Variants in DPP10 observed in about 807,000 individuals in gnomAD.
DPP10 encodes the protein dipeptidyl peptidase like 10, also known as inactive dipeptidyl peptidase 10.
A neutral mutation model predicts 120.9 loss-of-function variants in DPP10; 33 were observed. The ratio of observed to expected loss-of-function variants is 0.27; its 90% CI spans 0.21 to 0.37. DPP10 has a LOEUF of 0.37. DPP10 is among the 10% of genes least tolerant of loss of function. The probability of loss-of-function intolerance (pLI) is 1.00; values close to 1 mark genes in which losing one functional copy is unlikely to be tolerated. For synonymous variants in DPP10, 337 were observed against 326.1 expected (o/e 1.03, Z -0.36); for missense variants, 816 against 942.8 (o/e 0.87, Z 1.76).
intron 1 of DPP10, among the ~76,000 whole-genome samples, chr2:114,884,521 A>T (rs575044189): frequency 6.6e-6 from 1 of 152,010 alleles, no homozygotes; most frequent in African/African-American, 2.4e-5. Context: ...CATCACACCA[A>T]TCTGACTCTT....
At chr2:114,662,780 A>G (rs1354126670) in intron 1 of DPP10, among the ~76,000 whole-genome samples, 1 of 151,930 alleles carries the variant, frequency 6.6e-6, no homozygotes, top group Non-Finnish European at 1.5e-5. Context: ...CTGAAGTGCC[A>G]GGGGGGGACC....
chr2:114,784,567 G>A (rs1682609099), intron 1 of DPP10, among the ~76,000 whole-genome samples: 1 of 152,016 alleles, frequency 6.6e-6, no homozygotes, highest in Non-Finnish European at 1.5e-5. Context: ...ATCCAAACGG[G>A]CTAATCTCTA....
At chr2:115,707,502 T>G (rs941511000) in intron 7 of DPP10, among the ~76,000 whole-genome samples, 2 of 150,226 alleles carry the variant, frequency 1.3e-5, no homozygotes, top group East Asian at 3.9e-4. Context: ...ATATATCTAA[T>G]AAGTAATATA....
chr2:115,648,289 T>C (rs567210946), intron 5 of DPP10, among the ~76,000 whole-genome samples: 117 of 152,246 alleles, frequency 7.7e-4, no homozygotes, highest in Non-Finnish European at 1.5e-3. Context: ...ATTGGTGCGA[T>C]GTTGGTCAAA....
At chr2:115,402,712 A>C (rs2068161571) in intron 3 of DPP10, among the ~76,000 whole-genome samples, 1 of 151,202 alleles carries the variant, frequency 6.6e-6, no homozygotes, top group Non-Finnish European at 1.5e-5. Context: ...ATTCTACTAA[A>C]CATTTAAAGA....
chr2:115,801,926 A>G (rs1433407898), intron 19 of DPP10, among the ~76,000 whole-genome samples: 2 of 152,160 alleles, frequency 1.3e-5, no homozygotes, highest in Non-Finnish European at 2.9e-5. Context: ...CGGCTTTGGT[A>G]TCAGGATGAT....
chr2:115,722,568 CA>C (rs563218356), intron 7 of DPP10, among the ~76,000 whole-genome samples: 195 of 152,130 alleles, frequency 1.3e-3, no homozygotes, highest in African/African-American at 4.3e-3. Context: ...TCCTAAGCTA[CA>C]AACCTCTAAA....
Position 115,598,702 on chromosome 2 carries a change from G to A in DPP10, c.441+72730G>A, listed in dbSNP as rs926339296. Among the ~76,000 whole-genome samples, 10 of 151,460 alleles carry A rather than the reference G, an allele frequency of 6.6e-5. No homozygotes were observed. In the East Asian group the frequency reaches 1.2e-3, roughly 18 times the overall value. On this transcript the variant is annotated intron_variant, in intron 5 of 25. Coordinates refer to ENST00000410059, the MANE Select transcript of DPP10 (RefSeq NM_020868.6). ...TATTTTGAAGAAATTTTTAAAATAG[G>A]GCTTTTTTATATTTACTCATAATTT... is the stretch of plus-strand genomic sequence containing the variant.
At chr2:115,281,468 T>G (rs894944458) in intron 1 of DPP10, among the ~76,000 whole-genome samples, 2 of 152,158 alleles carry the variant, frequency 1.3e-5, no homozygotes, top group African/African-American at 2.4e-5. Flanking sequence ...AGATGCCAGG[T>G]GCATGACTGA....
At position 114,571,835 on chromosome 2, in the gene DPP10, T is replaced by C. The variant is rs541436768; in HGVS notation, c.60+128997T>C. Among the ~76,000 whole-genome samples the C allele has an allele frequency of 7.7e-4, 114 of 147,666 alleles. 2 individuals carry two copies. Among genetic ancestry groups the C allele is most frequent in the African/African-American group, 2.8e-3 (110 of 39,698 alleles). Reference sequence around the variant, plus strand: ...TTGTGTATATATTCTGTATATGTAGTATATAATATTTATACTACATATATT... The same window carrying C: ...TTGTGTATATATTCTGTATATGTAGCATATAATATTTATACTACATATATT... On this transcript the variant is annotated intron_variant, in intron 1 of 25. Coordinates refer to ENST00000410059, the MANE Select transcript of DPP10 (RefSeq NM_020868.6).
intron 1 of DPP10, among the ~76,000 whole-genome samples, chr2:115,017,005 A>G (rs1464871065): frequency 6.8e-6 from 1 of 148,074 alleles, no homozygotes; most frequent in Non-Finnish European, 1.5e-5. Flanking sequence ...GGAATTGAAC[A>G]ATGAGAACAC....
At chr2:114,665,395 C>T (rs1015597560) in intron 1 of DPP10, among the ~76,000 whole-genome samples, 1 of 152,092 alleles carries the variant, frequency 6.6e-6, no homozygotes, top group Non-Finnish European at 1.5e-5. Context: ...TTGCATGCAC[C>T]CTTTTTTCTC....
At chr2:114,750,495 A>G (rs920799705) in intron 1 of DPP10, among the ~76,000 whole-genome samples, 1 of 151,996 alleles carries the variant, frequency 6.6e-6, no homozygotes, top group Admixed American at 6.5e-5. Flanking sequence ...CACCACGCCC[A>G]GCTAATTTTT....
rs1234168717 is a variant in DPP10, at chr2:115,591,956, T to C, written c.441+65984T>C. On this transcript the variant is annotated intron_variant, in intron 5 of 25. Transcript: ENST00000410059. ...TGGGAGTTCACTCATGATTTGGCTC[T>C]CTGTTTGTCTGTTATTGCTTTCCTT... is the stretch of plus-strand genomic sequence containing the variant. Among the ~76,000 whole-genome samples, 5 of 152,282 alleles carry C rather than the reference T, an allele frequency of 3.3e-5. No homozygotes were observed. In the East Asian group the frequency reaches 9.7e-4, roughly 29 times the overall value.
chr2:114,949,389 C>T (rs938905206), intron 1 of DPP10, among the ~76,000 whole-genome samples: 12 of 152,124 alleles, frequency 7.9e-5, no homozygotes, highest in African/African-American at 2.9e-4. Context: ...CGGAGCCAAA[C>T]CATATCAGAG....
intron 5 of DPP10, among the ~76,000 whole-genome samples, chr2:115,571,799 C>G (rs1277478911): frequency 6.6e-6 from 1 of 151,438 alleles, no homozygotes; most frequent in Non-Finnish European, 1.5e-5. Flanking sequence ...CTCAAAACCC[C>G]AAGTCCATTC....
At chr2:114,731,668 G>A (rs1007113918) in intron 1 of DPP10, among the ~76,000 whole-genome samples, 1 of 152,138 alleles carries the variant, frequency 6.6e-6, no homozygotes, top group Non-Finnish European at 1.5e-5. Flanking sequence ...TGGGAAATAG[G>A]TTCAGGTGTG....
chr2:114,839,930 A>C (rs1007437755), intron 1 of DPP10, among the ~76,000 whole-genome samples: 3 of 152,182 alleles, frequency 2.0e-5, no homozygotes, highest in African/African-American at 7.2e-5. Context: ...AACTGAAAAA[A>C]GAATCTGGCA....
chr2:115,372,820 C>A (rs1359037753), intron 3 of DPP10, among the ~76,000 whole-genome samples: 1 of 152,040 alleles, frequency 6.6e-6, no homozygotes, highest in Non-Finnish European at 1.5e-5. Flanking sequence ...TTATTCCTGG[C>A]AGGTTTGTAC....
Sources: gnomAD v4.1 joint callset for allele counts (sites outside exome capture counted in the v4.1 genomes callset) on GRCh38, gnomAD v4.1.1 for gene constraint, MANE v1.5 for transcripts, NCBI Gene and HGNC (gene_info 2026-07-23, HGNC 2026-07-21) for gene names.